CSGALNACT1: variants seen among roughly 807,000 people sequenced by gnomAD.
CSGALNACT1 encodes the protein chondroitin sulfate N-acetylgalactosaminyltransferase 1.
CSGALNACT1 carries 52 observed loss-of-function variants against 51.0 expected under a neutral mutation model. The ratio of observed to expected loss-of-function variants is 1.02; its 90% CI spans 0.82 to 1.29. The LOEUF (loss-of-function observed/expected upper bound fraction) is 1.29. Among genes scored for constraint, CSGALNACT1 ranks in the 50% most tolerant of loss-of-function variants. The pLI, the probability that CSGALNACT1 is intolerant of heterozygous loss-of-function variation, is 0.00. For missense variants in CSGALNACT1, 935 were observed against 679.2 expected (o/e 1.38, Z -4.19); for synonymous variants, 341 against 254.4 (o/e 1.34, Z -3.24).
chr8:19,423,679 T>C (rs1425572609), intron 6 of CSGALNACT1, among the ~76,000 whole-genome samples: 2 of 152,308 alleles, frequency 1.3e-5, no homozygotes, highest in East Asian at 3.9e-4. Flanking sequence ...TGTAAATCCC[T>C]ATGCTTCCAT....
At chr8:19,619,207 G>A (rs1303962221) in intron 1 of CSGALNACT1, among the ~76,000 whole-genome samples, 1 of 137,132 alleles carries the variant, frequency 7.3e-6, no homozygotes, top group African/African-American at 2.6e-5. Context: ...TGCAGGTGAG[G>A]TAAGAAATGG....
chr8:19,419,921 G>A (rs2057625706), intron 7 of CSGALNACT1, among the ~76,000 whole-genome samples: 1 of 152,190 alleles, frequency 6.6e-6, no homozygotes, highest in African/African-American at 2.4e-5. Context: ...GACCTGGTGG[G>A]AGGTAACTGA....
chr8:19,497,968 C>A (rs372827084), intron 4 of CSGALNACT1, among the ~76,000 whole-genome samples: 1 of 152,236 alleles, frequency 6.6e-6, no homozygotes, highest in Non-Finnish European at 1.5e-5. Context: ...CTTTCCAGAC[C>A]GAACCAATGT....
At chr8:19,577,415 G>T (rs1233183219) in intron 3 of CSGALNACT1, among the ~76,000 whole-genome samples, 1 of 138,030 alleles carries the variant, frequency 7.2e-6, no homozygotes, top group African/African-American at 3.3e-5. Context: ...AAAAAAAAAA[G>T]CCTAGTATGG....
chr8:19,628,189 A>G (rs2054693367), intron 1 of CSGALNACT1, among the ~76,000 whole-genome samples: 2 of 152,168 alleles, frequency 1.3e-5, no homozygotes, highest in African/African-American at 2.4e-5. Context: ...ACTACCCAAG[A>G]CTGGGTGATT....
intron 4 of CSGALNACT1, among the ~76,000 whole-genome samples, chr8:19,483,617 T>A (rs1238554059): frequency 6.6e-6 from 1 of 152,072 alleles, no homozygotes; most frequent in African/African-American, 2.4e-5. Flanking sequence ...CCTACAAGAG[T>A]GGATCTGATG....
rs567757910 is a variant in CSGALNACT1, at chr8:19,721,459, G to A, written c.-297+36391C>T. Among the ~76,000 whole-genome samples the A allele has an allele frequency of 2.0e-5, 3 of 152,304 alleles. No homozygotes were observed. In the South Asian group the frequency reaches 6.2e-4, roughly 32 times the overall value. On this transcript the variant is annotated intron_variant, in intron 1 of 1. Coordinates refer to the CSGALNACT1 transcript ENST00000517494. ...AACACATGAGACACGATCCTAGTCC[G>A]CACATGGTTCTCATGTATCAGGGGG...
chr8:19,694,967 A>G (rs1258294289), intron 1 of CSGALNACT1, among the ~76,000 whole-genome samples: 2 of 152,166 alleles, frequency 1.3e-5, no homozygotes, highest in Non-Finnish European at 2.9e-5. Context: ...TTTCCATTCA[A>G]CAAGCCCCGG....
intron 1 of CSGALNACT1, among the ~76,000 whole-genome samples, chr8:19,726,549 TATC>T (rs2063412060): frequency 6.6e-6 from 1 of 152,232 alleles, no homozygotes; most frequent in Non-Finnish European, 1.5e-5. Flanking sequence ...CTAATTAACA[TATC>T]ATCACCTCAC....
At chr8:19,637,810 C>G (rs553889529) in intron 1 of CSGALNACT1, among the ~76,000 whole-genome samples, 7 of 149,714 alleles carry the variant, frequency 4.7e-5, no homozygotes, top group Non-Finnish European at 7.4e-5. Flanking sequence ...ACTCGTTGTA[C>G]GAGAATGTTC....
intron 3 of CSGALNACT1, among the ~76,000 whole-genome samples, chr8:19,549,006 A>G (rs1178615046): frequency 6.6e-6 from 1 of 151,998 alleles, no homozygotes; most frequent in East Asian, 1.9e-4. Flanking sequence ...TTACAGAGAT[A>G]GTGTCTCACT....
At chr8:19,429,976 G>A (rs1464601121) in intron 6 of CSGALNACT1, among the ~76,000 whole-genome samples, 1 of 152,150 alleles carries the variant, frequency 6.6e-6, no homozygotes, top group Admixed American at 6.5e-5. Context: ...TAATGATGTT[G>A]ACCATCTTGT....
At chr8:19,707,631 C>CACAAACATAATCA (rs2062245879) in intron 1 of CSGALNACT1, among the ~76,000 whole-genome samples, 2 of 91,506 alleles carry the variant, frequency 2.2e-5, no homozygotes, top group East Asian at 1.1e-3. Context: ...AAGAGCTACA[C>CACAAACATAATCA]GCAATGGAAG....
chr8:19,604,026 C>A (rs1458456579), upstream of CSGALNACT1, among the ~76,000 whole-genome samples: 1 of 152,198 alleles, frequency 6.6e-6, no homozygotes, highest in Non-Finnish European at 1.5e-5. Flanking sequence ...GGCTCAGCTC[C>A]TCCCTCTTTT....
At chr8:19,598,498 A>G (rs2049465763) in intron 2 of CSGALNACT1, among the ~76,000 whole-genome samples, 1 of 152,226 alleles carries the variant, frequency 6.6e-6, no homozygotes, top group Non-Finnish European at 1.5e-5. Flanking sequence ...GGCTTTTCAA[A>G]TAGGAGCAAC....
At chr8:19,424,974 A>G (rs2058549691) in intron 6 of CSGALNACT1, among the ~76,000 whole-genome samples, 1 of 152,176 alleles carries the variant, frequency 6.6e-6, no homozygotes, top group Admixed American at 6.5e-5. Flanking sequence ...TCCGATTGTG[A>G]AAGAAAAATA....
chr8:19,724,828 C>G (rs907478252), intron 1 of CSGALNACT1, among the ~76,000 whole-genome samples: 2 of 152,228 alleles, frequency 1.3e-5, no homozygotes, highest in African/African-American at 4.8e-5. Context: ...TGCCATGTGT[C>G]ATGACCTTTC....
chr8:19,588,932 G>C (rs1342818138), intron 3 of CSGALNACT1, among the ~76,000 whole-genome samples: 1 of 152,140 alleles, frequency 6.6e-6, no homozygotes, highest in Non-Finnish European at 1.5e-5. Context: ...TAGTAGTTGA[G>C]GGGTGTTTGA....
At chr8:19,732,312 C>G (rs1309666799) in intron 1 of CSGALNACT1, 1 of 152,176 alleles carries the variant, frequency 6.6e-6, no homozygotes, top group Non-Finnish European at 1.5e-5. Flanking sequence ...AACAGTATTT[C>G]TACAATAAAA....
Sources: allele counts gnomAD v4.1 joint callset (sites outside exome capture counted in the v4.1 genomes callset), GRCh38; gene constraint gnomAD v4.1.1; transcripts MANE v1.5; gene names NCBI Gene and HGNC (gene_info 2026-07-23, HGNC 2026-07-21).